Variants in ADGRF1 observed in about 807,000 individuals in gnomAD.
The protein encoded by ADGRF1 is G protein-coupled receptor 110.
In ADGRF1, 85 loss-of-function variants were observed where a neutral mutation model predicts 87.2. That is an observed-to-expected ratio of 0.97 (90% CI 0.82 to 1.17). The LOEUF (loss-of-function observed/expected upper bound fraction) is 1.17. Ranked by LOEUF, ADGRF1 falls within the 50% of genes most tolerant of loss-of-function variation. The pLI is 0.00. For synonymous variants in ADGRF1, 430 were observed against 408.8 expected (o/e 1.05, Z -0.63); for missense variants, 1,169 against 1,077.2 (o/e 1.09, Z -1.19).
At position 46,998,798 on chromosome 6, in the gene ADGRF1, T is replaced by C. The variant is rs963555561; in HGVS notation, c.*1424A>G. The C allele has an allele frequency of 1.3e-5, 2 of 152,284 alleles. No homozygotes were observed. Among genetic ancestry groups the C allele is most frequent in the African/African-American group, 4.8e-5 (2 of 41,478 alleles). 9.4% of individuals were successfully genotyped at this position (152,284 alleles called of 1,614,324 possible). On this transcript the variant is annotated 3_prime_UTR_variant, in exon 15 of 15. Transcript: ENST00000371253. Reference sequence around the variant, plus strand: ...TCTCATAAAATTCTGTTGACTCTCATACATATTTGTGGGGTATAGAACCAT... The same window carrying C: ...TCTCATAAAATTCTGTTGACTCTCACACATATTTGTGGGGTATAGAACCAT...
intron 11 of ADGRF1, among the ~76,000 whole-genome samples, chr6:47,007,905 T>C (rs573566479): frequency 6.6e-6 from 1 of 152,334 alleles, no homozygotes; most frequent in East Asian, 1.9e-4. Flanking sequence ...TGCTCTATGA[T>C]TGCCATCCAT....
rs979591144 is a variant in ADGRF1, at chr6:47,014,919, G to A, written c.764-75C>T. On this transcript the variant is annotated intron_variant, in intron 8 of 14. Coordinates refer to ENST00000371253, the MANE Select transcript of ADGRF1 (RefSeq NM_153840.4). ...CACTCTATATAAACCATGTAGTCAT[G>A]TTCAAATGTTTTAGAACTCATTTTT... The A allele has an allele frequency of 2.8e-5, 40 of 1,433,072 alleles. No individual in the cohort carries two copies. The South Asian group carries it at 4.0e-4, about 14-fold the overall frequency. The allele number at this position is 1,433,072 out of a possible 1,614,324, so 88.8% of individuals were successfully genotyped here.
chr6:47,016,058 T>A (rs1779866716), intron 8 of ADGRF1, among the ~76,000 whole-genome samples: 1 of 152,170 alleles, frequency 6.6e-6, no homozygotes, highest in African/African-American at 2.4e-5. Flanking sequence ...TTTTTGTTTG[T>A]TTTCACCATT....
rs375230110 is a variant in ADGRF1, at chr6:47,010,150, T to C, written c.1285A>G (p.Ile429Val). Residue 429 changes from isoleucine (I) to valine (V), a missense_variant, in exon 11 of 15, where the codon ATT becomes GTT. Transcript: ENST00000371253. Reference sequence around the variant, plus strand: ...TTCACTGGAATCCCTTTCCAGTCAATGAATTTCCGAGAAAAATTCAGAGGA... The same window carrying C: ...TTCACTGGAATCCCTTTCCAGTCAACGAATTTCCGAGAAAAATTCAGAGGA... ...ALPLNFSRKF[I>V]DWKGIPVNKS... 1.2e-6 allele frequency: 2 copies of C among 1,614,070 alleles called. No homozygotes were observed. The highest frequency in any genetic ancestry group is 1.3e-5 in the African/African-American group (1 of 74,934).
intron 13 of ADGRF1, among the ~76,000 whole-genome samples, chr6:47,005,324 A>G (rs1000797797): frequency 1.3e-5 from 2 of 152,194 alleles, no homozygotes; most frequent in African/African-American, 4.8e-5. Context: ...TAACAGAATC[A>G]GTGATAGCAG....
At chr6:47,027,583 A>G in intron 3 of ADGRF1, 121 bp downstream of exon 3, 2 of 654,304 alleles carry the variant, frequency 3.1e-6, no homozygotes, top group South Asian at 3.9e-5. Flanking sequence ...CTCCTTGTAC[A>G]TATTTGGATG....
intron 4 of ADGRF1, 81 bp from the exon 5 acceptor site, chr6:47,024,298 T>C: frequency 2.0e-6 from 2 of 1,017,258 alleles, no homozygotes; most frequent in South Asian, 1.7e-5. Context: ...ATTTTATATA[T>C]GTTTATTTTT....
At chr6:47,019,956 T>C in intron 7 of ADGRF1, 1 of 986,312 alleles carries the variant, frequency 1.0e-6, no homozygotes, top group Non-Finnish European at 1.2e-6. Flanking sequence ...TGTATACATG[T>C]TATCTGTGCA....
chr6:47,014,769 C>T lies in ADGRF1; in HGVS notation c.839G>A (p.Arg280Lys). 1.2e-6 allele frequency: 2 copies of T among 1,614,056 alleles called. No individual in the cohort carries two copies. The highest frequency in any genetic ancestry group is 1.7e-6 in the Non-Finnish European group (2 of 1,179,968). Residue 280 changes from arginine (R) to lysine (K), a missense_variant, in exon 9 of 15, where the codon AGG (arginine) becomes AAG (lysine). By Grantham distance (26) the Arg-to-Lys change is conservative. Transcript: ENST00000371253. ...CTCACACTTGGCTGTGATGTTTCCC[C>T]TGTAGCCACTGCTGCAGGGCAGGGT... ...EYTLPCSSGYRGNITAKCESS... is the reference protein window; with the variant it reads ...EYTLPCSSGYKGNITAKCESS...
chr6:47,013,644 A>G lies in ADGRF1; in HGVS notation c.927+1037T>C, dbSNP rs1418720112. On this transcript the variant is annotated intron_variant, in intron 9 of 14. Coordinates refer to ENST00000371253, the MANE Select transcript of ADGRF1 (RefSeq NM_153840.4). ...ACTTGAACCTTCCTAAGAGAGCATC[A>G]TGTGGAGGGCATAGCACCTGATGTG... 8.3e-5 allele frequency: 82 copies of G among 985,244 alleles called. 1 individual carries two copies. The South Asian group carries it at 2.3e-3, about 27-fold the overall frequency. The allele number at this position is 985,244 out of a possible 1,614,324, so 61.0% of individuals were successfully genotyped here.
chr6:47,038,365 G>C (rs1780650995), intron 1 of ADGRF1, among the ~76,000 whole-genome samples: 1 of 152,162 alleles, frequency 6.6e-6, no homozygotes. Context: ...CAAGTGAATA[G>C]CCAAGTTTGC....
At chr6:47,020,588 C>A (rs1780017882) in intron 7 of ADGRF1, 143 bp downstream of exon 7, 2 of 1,524,336 alleles carry the variant, frequency 1.3e-6, no homozygotes, top group Admixed American at 2.2e-5. Context: ...CATCACAGAT[C>A]CTTGTTCACT....
intron 11 of ADGRF1, among the ~76,000 whole-genome samples, 165 bp downstream of exon 11, chr6:47,008,780 A>T (rs1779603122): frequency 6.6e-6 from 1 of 152,224 alleles, no homozygotes; most frequent in Admixed American, 6.5e-5. Flanking sequence ...GATAGTAACT[A>T]AGTAAGAAAA....
rs1779718085 is a variant in ADGRF1 at position 47,011,922 on chromosome 6, A to G, written c.1116+85T>C. On this transcript the variant is annotated intron_variant, in intron 10 of 14. Coordinates refer to ENST00000371253, the MANE Select transcript of ADGRF1 (RefSeq NM_153840.4). The stretch of plus-strand genomic sequence containing the variant: ...CATACATGGCTTTCTGTCTTTTCCA[A>G]TAGTTCCCCATATTTAAGGCTTTGT... 4.7e-6 allele frequency: 6 copies of G among 1,268,884 alleles called. No homozygotes were observed. The Admixed American group carries it at 9.1e-5, about 19-fold the overall frequency. 78.6% of individuals were successfully genotyped at this position (1,268,884 alleles called of 1,614,324 possible).
At position 47,027,762 on chromosome 6, in the gene ADGRF1, C is replaced by T; in HGVS notation, c.70-1G>A. 6.5e-7 allele frequency: 1 copy of T among 1,545,060 alleles called. No individual in the cohort carries two copies. Among genetic ancestry groups the T allele is most frequent in the Non-Finnish European group, 8.9e-7 (1 of 1,123,338 alleles). On this transcript the variant is annotated splice_acceptor_variant, in intron 2 of 14. Coordinates refer to ENST00000371253, the MANE Select transcript of ADGRF1 (RefSeq NM_153840.4). LOFTEE classifies it high-confidence loss of function. ...TTTTTGTTTTGATGCCATCATTTTT[C>T]TGTTAAAAAGAAAAAAAATAGTTAC...
rs777656141 is a variant in ADGRF1 at position 47,014,665 on chromosome 6, A to G, written c.927+16T>C. ...ACTCAAGACCAGGGCAAGTCTACAC[A>G]GTGAAAATGCCTCACCTTGTTCAGT... is the stretch of plus-strand genomic sequence containing the variant. On this transcript the variant is annotated intron_variant, in intron 9 of 14. Transcript: ENST00000371253. 1 of 1,611,656 alleles carries G rather than the reference A, an allele frequency of 6.2e-7. No homozygotes were observed. Among genetic ancestry groups the G allele is most frequent in the Admixed American group, 1.7e-5 (1 of 59,840 alleles).
chr6:47,004,187 C>A (rs551281721), intron 13 of ADGRF1, among the ~76,000 whole-genome samples: 176 of 152,262 alleles, frequency 1.2e-3, no homozygotes, highest in Middle Eastern at 6.8e-3. Flanking sequence ...TGCTCACCAG[C>A]GAGTTTCTTG....
At chr6:47,018,686 T>G in intron 7 of ADGRF1, 1 of 966,916 alleles carries the variant, frequency 1.0e-6, no homozygotes, top group South Asian at 1.4e-5. Context: ...CCAAGGTGTG[T>G]GGGTCATTTG....
intron 1 of ADGRF1, among the ~76,000 whole-genome samples, chr6:47,039,651 T>C (rs79224628): frequency 0.011 from 1,730 of 152,294 alleles, 42 homozygotes; most frequent in African/African-American, 0.039. Context: ...AGATCCTAAA[T>C]TGTTTTCACA....
Sources: gnomAD v4.1 joint callset for allele counts (sites outside exome capture counted in the v4.1 genomes callset) on GRCh38, gnomAD v4.1.1 for gene constraint, MANE v1.5 for transcripts, NCBI Gene and HGNC (gene_info 2026-07-23, HGNC 2026-07-21) for gene names.